GRIK2: variants seen among roughly 807,000 people sequenced by gnomAD.
GRIK2 encodes the protein glutamate receptor ionotropic, kainate 2.
In GRIK2, 32 loss-of-function variants were observed where a neutral mutation model predicts 100.3. The observed-to-expected ratio is 0.32, with a 90% CI of 0.24 to 0.43. The LOEUF is 0.43. GRIK2 is among the 20% of genes least tolerant of loss of function. GRIK2 has a pLI of 1.00. For synonymous variants in GRIK2, 417 were observed against 389.4 expected (o/e 1.07, Z -0.83); for missense variants, 843 against 1,114.9 (o/e 0.76, Z 3.47).
intron 9 of GRIK2, among the ~76,000 whole-genome samples, chr6:101,817,034 T>A (rs1781675789): frequency 6.6e-6 from 1 of 152,202 alleles, no homozygotes; most frequent in African/African-American, 2.4e-5. Flanking sequence ...ATGACCGGCT[T>A]GGCTCCTGAA....
intron 4 of GRIK2, among the ~76,000 whole-genome samples, chr6:101,660,472 T>C (rs1257772695): frequency 1.3e-5 from 2 of 152,196 alleles, no homozygotes; most frequent in Non-Finnish European, 2.9e-5. Context: ...AGCCTACTTC[T>C]GTCAATTCAT....
At chr6:101,622,942 A>G (rs1451418725) in intron 3 of GRIK2, among the ~76,000 whole-genome samples, 1 of 151,964 alleles carries the variant, frequency 6.6e-6, no homozygotes, top group Non-Finnish European at 1.5e-5. Context: ...ATATATGTAG[A>G]TAATCTTATA....
intron 2 of GRIK2, among the ~76,000 whole-genome samples, chr6:101,482,374 A>G (rs1443520993): frequency 2.0e-5 from 3 of 152,286 alleles, no homozygotes; most frequent in African/African-American, 7.2e-5. Context: ...TGATAGTAGT[A>G]TGCTGCCTTG....
chr6:101,877,988 A>T (rs1230416686), intron 11 of GRIK2, among the ~76,000 whole-genome samples: 1 of 151,118 alleles, frequency 6.6e-6, no homozygotes, highest in Non-Finnish European at 1.5e-5. Context: ...CTCTCACTTA[A>T]AAAAGGGCAT....
intron 11 of GRIK2, 135 bp from the exon 12 acceptor site, chr6:101,889,505 C>T (rs1194394691): frequency 3.6e-6 from 2 of 558,928 alleles, no homozygotes; most frequent in African/African-American, 1.9e-5. Context: ...TTAACATAAT[C>T]GTTACTGAGG....
At chr6:101,943,101 C>A (rs1430760581) in intron 14 of GRIK2, among the ~76,000 whole-genome samples, 2 of 152,212 alleles carry the variant, frequency 1.3e-5, no homozygotes, top group East Asian at 3.9e-4. Flanking sequence ...GAGTAGCAGC[C>A]ACTCCAGCTC....
At chr6:101,587,105 G>T (rs1778410933) in intron 2 of GRIK2, among the ~76,000 whole-genome samples, 1 of 151,620 alleles carries the variant, frequency 6.6e-6, no homozygotes. Context: ...ACTAAGAAAT[G>T]TAAATAAAAA....
chr6:101,748,433 A>C (rs1308022695), intron 7 of GRIK2, among the ~76,000 whole-genome samples: 1 of 152,142 alleles, frequency 6.6e-6, no homozygotes, highest in Non-Finnish European at 1.5e-5. Flanking sequence ...GGACAGCTAA[A>C]AGACATTAAA....
At chr6:101,443,929 G>A (rs563203561) in intron 2 of GRIK2, among the ~76,000 whole-genome samples, 34 of 148,272 alleles carry the variant, frequency 2.3e-4, no homozygotes, top group African/African-American at 7.7e-4. Flanking sequence ...CTGTCTTCTC[G>A]GCTGGAGTGT....
In GRIK2 at chr6:102,013,165, T is replaced by C. The variant is rs10080883; in HGVS notation, c.2086-22176T>C. 3.4e-3 allele frequency among the ~76,000 whole-genome samples: 516 copies of C among 152,274 alleles called. 2 individuals are homozygous for C. The highest frequency in any genetic ancestry group is 0.012 in the African/African-American group (498 of 41,564). On this transcript the variant is annotated intron_variant, in intron 14 of 16. Coordinates refer to ENST00000369134, the MANE Select transcript of GRIK2 (RefSeq NM_021956.5). ...GATCTTTTACCTCCCTGATTTGCTG[T>C]ATTTCTAAATATTTTATTCCTTTTG... is the stretch of plus-strand genomic sequence containing the variant.
Position 101,858,590 on chromosome 6 carries a change from C to T in GRIK2, c.1318-697C>T, listed in dbSNP as rs554197909. 3.5e-4 allele frequency among the ~76,000 whole-genome samples: 53 copies of T among 151,686 alleles called. 1 individual carries two copies. The South Asian group carries it at 5.2e-3, about 15-fold the overall frequency. On this transcript the variant is annotated intron_variant, in intron 10 of 16. Transcript: ENST00000369134. ...TTTTTTAGTAGAGATGGGGTTTCACCGTGTTAGCCAGGATGGTCTTGATCT... is the reference window on the plus strand; with the variant it reads ...TTTTTTAGTAGAGATGGGGTTTCACTGTGTTAGCCAGGATGGTCTTGATCT...
chr6:102,031,670 T>C (rs1337267322), intron 14 of GRIK2, among the ~76,000 whole-genome samples: 1 of 151,262 alleles, frequency 6.6e-6, no homozygotes. Context: ...TTTATGTCCG[T>C]GAATACTCAA....
In GRIK2 at chr6:101,626,606, A is replaced by G. The variant is rs775929503; in HGVS notation, c.510A>G (p.Lys170=). The change falls in exon 4 of 17, where the codon AAA becomes AAG. Residue 170 remains lysine, a synonymous_variant. Transcript: ENST00000369134. ...ACCTGGTGCAGTTTTTCAAGTGGAA[A>G]ACCGTCACGGTTGTGTATGATGACA... The part of the protein sequence containing the change: ...ILDLVQFFKW[K]TVTVVYDDST... 6.2e-7 allele frequency: 1 copy of G among 1,613,920 alleles called. No individual in the cohort carries two copies. The highest frequency in any genetic ancestry group is 8.5e-7 in the Non-Finnish European group (1 of 1,179,858).
intron 2 of GRIK2, among the ~76,000 whole-genome samples, chr6:101,473,190 C>CTCCT: frequency 7.1e-6 from 1 of 140,348 alleles, no homozygotes; most frequent in African/African-American, 2.6e-5. Context: ...CCCTCCCTCG[C>CTCCT]TCCTTCCTTC....
chr6:102,042,155 A>G (rs182372361), intron 15 of GRIK2, among the ~76,000 whole-genome samples: 3 of 151,826 alleles, frequency 2.0e-5, no homozygotes, highest in African/African-American at 7.2e-5. Flanking sequence ...TTGAACTTTT[A>G]GTAACAGAGC....
At chr6:101,678,987 T>C (rs1771046310) in intron 5 of GRIK2, among the ~76,000 whole-genome samples, 3 of 152,176 alleles carry the variant, frequency 2.0e-5, no homozygotes, top group Admixed American at 2.0e-4. Context: ...AGTACACTAA[T>C]TGGCATGCAT....
intron 1 of GRIK2, 91 bp from the exon 2 acceptor site, chr6:101,398,894 C>T (rs138239224): frequency 2.4e-6 from 1 of 423,430 alleles, no homozygotes; most frequent in Non-Finnish European, 4.1e-6. Context: ...AGCAAAGCGC[C>T]TTTTGTGCCG....
intron 7 of GRIK2, among the ~76,000 whole-genome samples, chr6:101,788,505 C>T (rs541892653): frequency 2.6e-5 from 4 of 152,168 alleles, no homozygotes; most frequent in African/African-American, 9.6e-5. Context: ...TGATGATTTC[C>T]AATTTCATCC....
At chr6:101,988,708 T>C (rs1166756651) in intron 14 of GRIK2, among the ~76,000 whole-genome samples, 2 of 151,892 alleles carry the variant, frequency 1.3e-5, no homozygotes, top group Non-Finnish European at 2.9e-5. Context: ...CTTTAATTAA[T>C]GCCTGTGGAT....
Sources: allele counts gnomAD v4.1 joint callset (sites outside exome capture counted in the v4.1 genomes callset), GRCh38; gene constraint gnomAD v4.1.1; transcripts MANE v1.5; gene names NCBI Gene and HGNC (gene_info 2026-07-23, HGNC 2026-07-21).